Variants in ARHGEF6 observed in about 807,000 individuals in gnomAD.
ARHGEF6 encodes rho guanine nucleotide exchange factor 6.
A neutral mutation model predicts 70.3 loss-of-function variants in ARHGEF6; 9 were observed. That is an observed-to-expected ratio of 0.13 (90% CI 0.08 to 0.22). The LOEUF (loss-of-function observed/expected upper bound fraction) is 0.22, where lower values mean the gene tolerates loss of function less well. Ranked by LOEUF, ARHGEF6 falls within the 10% of genes least tolerant of loss-of-function variation. The pLI, the probability that ARHGEF6 is intolerant of heterozygous loss-of-function variation, is 1.00. For synonymous variants in ARHGEF6, 201 were observed against 207.8 expected, an observed-to-expected ratio of 0.97 and a Z score of 0.28; for missense variants, 470 against 563.0, an observed-to-expected ratio of 0.83 and a Z score of 1.67.
At chrX:136,687,874 G>T in intron 11 of ARHGEF6, 58 bp downstream of exon 11, 1 of 984,370 alleles carries the variant, frequency 1.0e-6, no homozygotes, top group Non-Finnish European at 1.5e-6. Flanking sequence ...CACACAAATC[G>T]CTCTTTCAGG....
At chrX:136,679,297 G>A (rs1223112374) in intron 16 of ARHGEF6, among the ~76,000 whole-genome samples, 6 of 111,952 alleles carry the variant, frequency 5.4e-5, no homozygotes, top group African/African-American at 1.9e-4. Flanking sequence ...ACTTCAGGAG[G>A]AGACTGGGAA....
At position 136,719,461 on chromosome X, in the gene ARHGEF6, T is replaced by C. The variant is rs1443716175; in HGVS notation, c.733-6091A>G. 2.7e-5 allele frequency among the ~76,000 whole-genome samples: 3 copies of C among 111,492 alleles called. No homozygotes were observed. The East Asian group carries it at 8.3e-4, about 31-fold the overall frequency. On this transcript the variant is annotated intron_variant, in intron 6 of 21. Transcript: ENST00000250617. ...AAATTTTAAAATATTTTGAACTAAATGGAAATGAAAGAAGAACATTAAAAT... is the reference window on the plus strand; with the variant it reads ...AAATTTTAAAATATTTTGAACTAAACGGAAATGAAAGAAGAACATTAAAAT...
rs144563804 is a variant in ARHGEF6 at position 136,703,608 on chromosome X, C to T, written c.1046+3300G>A. On this transcript the variant is annotated intron_variant, in intron 9 of 21. Coordinates refer to ENST00000250617, the MANE Select transcript of ARHGEF6 (RefSeq NM_004840.3). The stretch of plus-strand genomic sequence containing the variant: ...CGCAATCTCGGCTCACGGCAACCTC[C>T]GCCTCCCAGGTTCAAGTGATTCTCC... Among the ~76,000 whole-genome samples, 581 of 112,379 alleles carry T rather than the reference C, an allele frequency of 5.2e-3. 4 individuals are homozygous for T. Among genetic ancestry groups the T allele is most frequent in the African/African-American group, 0.017 (532 of 31,000 alleles).
intron 2 of ARHGEF6, among the ~76,000 whole-genome samples, chrX:136,762,102 T>A (rs779106501): frequency 3.6e-5 from 4 of 111,540 alleles, no homozygotes; most frequent in African/African-American, 1.3e-4. Context: ...TTTGTGGAGA[T>A]GGGGTTTCAC....
chrX:136,730,869 T>A (rs921885589), intron 6 of ARHGEF6, among the ~76,000 whole-genome samples: 10 of 111,209 alleles, frequency 9.0e-5, no homozygotes, highest in African/African-American at 2.9e-4. Context: ...CACTTTAAGT[T>A]GGTAGAATCA....
chrX:136,669,742 G>A (rs2076203267), intron 20 of ARHGEF6, among the ~76,000 whole-genome samples: 1 of 111,917 alleles, frequency 8.9e-6, no homozygotes, highest in Non-Finnish European at 1.9e-5. Context: ...TTAGCTAAAT[G>A]CAATGTCATT....
At chrX:136,752,275 T>C (rs2077159546) in intron 2 of ARHGEF6, among the ~76,000 whole-genome samples, 1 of 111,980 alleles carries the variant, frequency 8.9e-6, no homozygotes, top group Non-Finnish European at 1.9e-5. Context: ...TGTGCTGTCC[T>C]TCCCATTTCA....
Position 136,685,722 on chromosome X carries a change from A to G in ARHGEF6, c.1347T>C (p.Asn449=). 1 of 1,211,020 alleles carries G rather than the reference A, an allele frequency of 8.3e-7. No homozygotes were observed. The highest frequency in any genetic ancestry group is 1.1e-6 in the Non-Finnish European group (1 of 894,961). ...CCATTACTTGTGACATAAAAATCAC[A>G]TTTCCCAAGTTTTTAATATCTTCTC... ...WEGEDIKNLG[N]VIFMSQVMVQ... is the part of the protein sequence containing the mutation. Residue 449 remains asparagine (N), a synonymous_variant, in exon 12 of 22, where the codon AAT becomes AAC. Coordinates refer to ENST00000250617, the MANE Select transcript of ARHGEF6 (RefSeq NM_004840.3).
intron 2 of ARHGEF6, among the ~76,000 whole-genome samples, chrX:136,775,891 C>G (rs1179657857): frequency 9.0e-6 from 1 of 111,266 alleles, no homozygotes; most frequent in Non-Finnish European, 1.9e-5. Flanking sequence ...TACTATACAC[C>G]AACAGCAACC....
At chrX:136,688,246 C>A (rs1273226444) in intron 10 of ARHGEF6, among the ~76,000 whole-genome samples, 1 of 111,128 alleles carries the variant, frequency 9.0e-6, no homozygotes, top group Admixed American at 9.6e-5. Flanking sequence ...AGCATGGGAG[C>A]ATTTGGAATC....
At position 136,713,224 on chromosome X, in the gene ARHGEF6, T is replaced by G. The variant is rs1322883995; in HGVS notation, c.827+52A>C. On this transcript the variant is annotated intron_variant, in intron 7 of 21. Coordinates refer to ENST00000250617, the MANE Select transcript of ARHGEF6 (RefSeq NM_004840.3). ...GTGACATAAGAATAATGATTCCATATGTTGACATTATGTTGCTTTACTTAG... is the reference window on the plus strand; with the variant it reads ...GTGACATAAGAATAATGATTCCATAGGTTGACATTATGTTGCTTTACTTAG... 2.9e-5 allele frequency: 27 copies of G among 931,735 alleles called. No individual in the cohort carries two copies. In the East Asian group the frequency reaches 7.4e-4, roughly 26 times the overall value. The allele number at this position is 931,735 out of a possible 1,213,427, so 76.8% of individuals were successfully genotyped here.
chrX:136,759,365 C>T (rs1569422313), intron 2 of ARHGEF6, among the ~76,000 whole-genome samples: 1 of 111,476 alleles, frequency 9.0e-6, no homozygotes, highest in Non-Finnish European at 1.9e-5. Context: ...TTAAGGCTGG[C>T]GCGGTGGCTC....
intron 6 of ARHGEF6, among the ~76,000 whole-genome samples, chrX:136,717,645 A>G (rs936402259): frequency 1.5e-4 from 17 of 112,090 alleles, no homozygotes; most frequent in African/African-American, 5.2e-4. Context: ...GTATTTGATT[A>G]TGTGTGTGTA....
chrX:136,676,106 T>C (rs1308511114), intron 18 of ARHGEF6, among the ~76,000 whole-genome samples: 1 of 112,536 alleles, frequency 8.9e-6, no homozygotes, highest in African/African-American at 3.2e-5. Flanking sequence ...CAAAGTACCT[T>C]GTTCACAGCC....
chrX:136,768,885 C>T (rs760097415), intron 2 of ARHGEF6, among the ~76,000 whole-genome samples: 2 of 106,927 alleles, frequency 1.9e-5, no homozygotes, highest in East Asian at 5.9e-4. Context: ...GATGGAGTGA[C>T]TCAGGGAGAC....
At chrX:136,709,533 T>C (rs767797812) in intron 7 of ARHGEF6, among the ~76,000 whole-genome samples, 16 of 112,966 alleles carry the variant, frequency 1.4e-4, no homozygotes, top group Non-Finnish European at 9.4e-5. Flanking sequence ...AACCCAGGCA[T>C]AGAGAGGTTA....
At chrX:136,768,504 A>T (rs1301338175) in intron 2 of ARHGEF6, 1 of 112,311 alleles carries the variant, frequency 8.9e-6, no homozygotes, top group Non-Finnish European at 1.9e-5. Flanking sequence ...TGGGCAAGTT[A>T]AAAACAGACA....
chrX:136,708,533 C>T (rs769985759), intron 8 of ARHGEF6, 142 bp downstream of exon 8: 176 of 479,763 alleles, frequency 3.7e-4, no homozygotes, highest in Non-Finnish European at 5.6e-4. Context: ...ACCTAGTACA[C>T]TGTCTATGTA....
chrX:136,750,804 C>CT lies in ARHGEF6; in HGVS notation c.250-3213dup, dbSNP rs11352668. Among the ~76,000 whole-genome samples, 426 of 96,212 alleles carry CT rather than the reference C, an allele frequency of 4.4e-3. 2 individuals are homozygous for CT. The highest frequency in any genetic ancestry group is 0.024 in the East Asian group (76 of 3,193). 83.5% of individuals were successfully genotyped at this position (96,212 alleles called of 115,157 possible). On this transcript the variant is annotated intron_variant, in intron 2 of 21. Coordinates refer to ENST00000250617, the MANE Select transcript of ARHGEF6 (RefSeq NM_004840.3). ...TCCTACATCAGTAGATGAAATCAAA[C>CT]TTTTTTTTTTTTTTTTGAGGCAGAG...
Sources: gnomAD v4.1 joint callset for allele counts (sites outside exome capture counted in the v4.1 genomes callset) on GRCh38, gnomAD v4.1.1 for gene constraint, MANE v1.5 for transcripts, NCBI Gene and HGNC (gene_info 2026-07-23, HGNC 2026-07-21) for gene names.